The following GRIN3A variants were observed in gnomAD, a reference collection of about 807,000 sequenced individuals.
GRIN3A encodes glutamate receptor ionotropic, NMDA 3A.
A neutral mutation model predicts 92.4 loss-of-function variants in GRIN3A; 47 were observed. That is an observed-to-expected ratio of 0.51 (90% CI 0.40 to 0.65). The LOEUF (loss-of-function observed/expected upper bound fraction) is 0.65. GRIN3A is among the 30% of genes least tolerant of loss of function. The probability of loss-of-function intolerance (pLI) is 0.00; values close to 1 mark genes in which losing one functional copy is unlikely to be tolerated. For synonymous variants in GRIN3A, 527 were observed against 540.6 expected, an observed-to-expected ratio of 0.97 and a Z score of 0.35; for missense variants, 1,324 against 1,393.1, an observed-to-expected ratio of 0.95 and a Z score of 0.79.
chr9:101,725,364 A>G (rs149739555), intron 1 of GRIN3A, among the ~76,000 whole-genome samples: 34 of 152,322 alleles, frequency 2.2e-4, no homozygotes, highest in African/African-American at 7.7e-4. Context: ...GAATTGATGC[A>G]AGAAGGTAAT....
At chr9:101,728,656 G>T (rs1274016245) in intron 1 of GRIN3A, among the ~76,000 whole-genome samples, 1 of 151,978 alleles carries the variant, frequency 6.6e-6, no homozygotes. Flanking sequence ...TTTCTTAATT[G>T]TACTCCACTG....
In GRIN3A at chr9:101,670,751, A is replaced by C. The variant is rs751470414; in HGVS notation, c.1661T>G (p.Leu554Trp). 1 of 1,613,976 alleles carries C rather than the reference A, an allele frequency of 6.2e-7. No homozygotes were observed. Among genetic ancestry groups the C allele is most frequent in the African/African-American group, 1.3e-5 (1 of 74,924 alleles). The change falls in exon 3 of 9, where the codon TTG (leucine) becomes TGG (tryptophan). Residue 554 changes from leucine (L) to tryptophan (W), a missense_variant. Coordinates refer to ENST00000361820, the MANE Select transcript of GRIN3A (RefSeq NM_133445.3). ...LDPMTNDSST[L>W]DSLFSSLHSS... is the part of the protein sequence containing the mutation. ...ATGGAGGCTGCTAAAAAGGCTGTCCAATGTGGAAGAGTCATTAGTCATGGG... is the reference window on the plus strand; with the variant it reads ...ATGGAGGCTGCTAAAAAGGCTGTCCCATGTGGAAGAGTCATTAGTCATGGG...
At chr9:101,704,598 G>A (rs1423940473) in intron 1 of GRIN3A, among the ~76,000 whole-genome samples, 1 of 152,082 alleles carries the variant, frequency 6.6e-6, no homozygotes, top group Admixed American at 6.5e-5. Context: ...CCACTCTTTT[G>A]CCATGCTGGG....
At chr9:101,594,894 C>T (rs1828095865) in intron 6 of GRIN3A, 4 of 1,600,366 alleles carry the variant, frequency 2.5e-6, no homozygotes, top group Non-Finnish European at 3.4e-6. Context: ...GAGCACATCT[C>T]CGCCGGGTAA....
At chr9:101,696,325 C>T (rs1282584736) in intron 1 of GRIN3A, among the ~76,000 whole-genome samples, 1 of 152,136 alleles carries the variant, frequency 6.6e-6, no homozygotes, top group Non-Finnish European at 1.5e-5. Flanking sequence ...GTTTCCTGGA[C>T]AGTAGGAATA....
intron 1 of GRIN3A, among the ~76,000 whole-genome samples, chr9:101,706,032 A>G (rs1363581274): frequency 6.6e-6 from 1 of 152,218 alleles, no homozygotes; most frequent in African/African-American, 2.4e-5. Context: ...AAGTAAATTC[A>G]TAATTATAAT....
chr9:101,632,123 T>C (rs1564131054), intron 3 of GRIN3A, among the ~76,000 whole-genome samples: 1 of 152,206 alleles, frequency 6.6e-6, no homozygotes, highest in Non-Finnish European at 1.5e-5. Context: ...ACAAACATTT[T>C]GCTTGGTCAG....
At chr9:101,665,044 C>T (rs544475485) in intron 3 of GRIN3A, among the ~76,000 whole-genome samples, 1 of 132,074 alleles carries the variant, frequency 7.6e-6, no homozygotes, top group East Asian at 2.1e-4. Flanking sequence ...GATTCCAAGA[C>T]TAATACCAAA....
At chr9:101,630,936 A>G (rs1419728605) in intron 3 of GRIN3A, among the ~76,000 whole-genome samples, 2 of 151,954 alleles carry the variant, frequency 1.3e-5, no homozygotes, top group Admixed American at 1.3e-4. Flanking sequence ...TATCTAGTCT[A>G]TTTTTCTATC....
chr9:101,637,487 A>T lies in GRIN3A; in HGVS notation c.2353-9086T>A, dbSNP rs548365449. ...CATGGGCTAGAGAAAACAATGGTTA[A>T]CTGGAGGAGATGTTACAGATCTTTT... On this transcript the variant is annotated intron_variant, in intron 3 of 8. Transcript: ENST00000361820. Among the ~76,000 whole-genome samples the T allele has an allele frequency of 3.3e-5, 5 of 152,326 alleles. No homozygotes were observed. The South Asian group carries it at 1.0e-3, about 32-fold the overall frequency.
At chr9:101,597,443 C>T (rs941953136) in intron 6 of GRIN3A, among the ~76,000 whole-genome samples, 1 of 152,182 alleles carries the variant, frequency 6.6e-6, no homozygotes, top group Non-Finnish European at 1.5e-5. Context: ...AGTGCTGACT[C>T]TATAGGAGAG....
intron 3 of GRIN3A, among the ~76,000 whole-genome samples, chr9:101,638,846 C>T (rs1828816785): frequency 6.6e-6 from 1 of 152,238 alleles, no homozygotes; most frequent in Non-Finnish European, 1.5e-5. Flanking sequence ...GCGTTAGACT[C>T]AGTTCCCTTA....
chr9:101,650,555 T>C (rs1315120266), intron 3 of GRIN3A, among the ~76,000 whole-genome samples: 4 of 151,998 alleles, frequency 2.6e-5, no homozygotes, highest in African/African-American at 9.7e-5. Flanking sequence ...CCAAAATAGG[T>C]AAGTAAGTTT....
chr9:101,620,308 G>A (rs531245908), intron 5 of GRIN3A, among the ~76,000 whole-genome samples: 1 of 152,264 alleles, frequency 6.6e-6, no homozygotes, highest in Non-Finnish European at 1.5e-5. Context: ...GGGTGAATGA[G>A]CTTCGTTGAG....
In GRIN3A at chr9:101,670,751, A is replaced by G. The variant is rs751470414; in HGVS notation, c.1661T>C (p.Leu554Ser). 16 of 1,614,094 alleles carry G rather than the reference A, an allele frequency of 9.9e-6. No homozygotes were observed. The highest frequency in any genetic ancestry group is 1.4e-5 in the Non-Finnish European group (16 of 1,179,972). Reference protein sequence around the residue: ...LDPMTNDSSTLDSLFSSLHSS... With the variant: ...LDPMTNDSSTSDSLFSSLHSS... ...ATGGAGGCTGCTAAAAAGGCTGTCC[A>G]ATGTGGAAGAGTCATTAGTCATGGG... The change falls in exon 3 of 9, where the codon TTG (leucine) becomes TCG (serine). Residue 554 changes from leucine (L) to serine (S), a missense_variant. By Grantham distance (145) the Leu-to-Ser change is moderately radical (BLOSUM62 -2). Coordinates refer to ENST00000361820, the MANE Select transcript of GRIN3A (RefSeq NM_133445.3).
chr9:101,643,870 G>A (rs1320833922), intron 3 of GRIN3A, among the ~76,000 whole-genome samples: 1 of 151,656 alleles, frequency 6.6e-6, no homozygotes, highest in Non-Finnish European at 1.5e-5. Flanking sequence ...TAGAAGCAGA[G>A]TAGAATGGTG....
chr9:101,735,501 C>T (rs968086951), intron 1 of GRIN3A, among the ~76,000 whole-genome samples: 12 of 151,730 alleles, frequency 7.9e-5, no homozygotes, highest in Non-Finnish European at 1.2e-4. Context: ...TGCACACATC[C>T]GTTCTAGAAC....
chr9:101,685,248 A>G (rs1242185065), intron 2 of GRIN3A, among the ~76,000 whole-genome samples: 1 of 144,932 alleles, frequency 6.9e-6, no homozygotes, highest in Non-Finnish European at 1.6e-5. Flanking sequence ...ATTTATACAT[A>G]CATATATATA....
At chr9:101,650,987 G>A (rs1035038595) in intron 3 of GRIN3A, among the ~76,000 whole-genome samples, 7 of 151,702 alleles carry the variant, frequency 4.6e-5, no homozygotes, top group Admixed American at 1.3e-4. Context: ...TTTTTATTTC[G>A]TGAGTCAGGA....
Sources: allele counts gnomAD v4.1 joint callset (sites outside exome capture counted in the v4.1 genomes callset), GRCh38; gene constraint gnomAD v4.1.1; transcripts MANE v1.5; gene names NCBI Gene and HGNC (gene_info 2026-07-23, HGNC 2026-07-21).